Variants in MAD2L2 observed in about 807,000 individuals in gnomAD.
MAD2L2 encodes the protein mitotic arrest deficient 2 like 2, also known as mitotic spindle assembly checkpoint protein MAD2B.
A neutral mutation model predicts 30.5 loss-of-function variants in MAD2L2; 17 were observed. The observed-to-expected ratio is 0.56, with a 90% CI of 0.38 to 0.84. The LOEUF is 0.84. MAD2L2 is among the 40% of genes least tolerant of loss of function. The pLI is 0.00. For synonymous variants in MAD2L2, 101 were observed against 113.9 expected (o/e 0.89, Z 0.72); for missense variants, 213 against 277.4 (o/e 0.77, Z 1.65).
rs1008256560 is a variant in MAD2L2, at chr1:11,676,108, AGCT to A, written c.362_364del (p.Gln121del). The stretch of plus-strand genomic sequence containing the variant: ...GATCTTCAGGATGAAGGCCCGGAGC[AGCT>A]GCTCCACATGAGACAACAGCGAGTC... On this transcript the variant is annotated inframe_deletion, in exon 6 of 9. Transcript: ENST00000376692. 6.2e-7 allele frequency: 1 copy of A among 1,610,700 alleles called. No homozygotes were observed. Among genetic ancestry groups the A allele is most frequent in the African/African-American group, 1.3e-5 (1 of 74,990 alleles).
Position 11,674,547 on chromosome 1 carries a change from G to T in MAD2L2, c.*228C>A. The T allele has an allele frequency of 1.8e-6, 1 of 551,280 alleles. No individual in the cohort carries two copies. The highest frequency in any genetic ancestry group is 3.3e-6 in the Non-Finnish European group (1 of 305,828). 34.1% of individuals were successfully genotyped at this position (551,280 alleles called of 1,614,324 possible). On this transcript the variant is annotated 3_prime_UTR_variant, in exon 9 of 9. Coordinates refer to ENST00000376692, the MANE Select transcript of MAD2L2 (RefSeq NM_006341.4). The surrounding 1 kb of genome is among the most constrained non-coding windows in gnomAD (Gnocchi z 6.1). ...CACAGTATTTGAGACAGACAGTGTT[G>T]GCCGGCGGAACCCCAGGAGGCTGAG... is the stretch of plus-strand genomic sequence containing the variant.
chr1:11,685,605 T>C (rs954765257), upstream of MAD2L2, among the ~76,000 whole-genome samples: 1 of 152,144 alleles, frequency 6.6e-6, no homozygotes, highest in African/African-American at 2.4e-5. Context: ...TAGTTCTAAT[T>C]TCATAGGATT....
chr1:11,677,090 G>A lies in MAD2L2; in HGVS notation c.232-142C>T, dbSNP rs892740743. ...GCTGCTAGGCTGGGGGTCCCCAAGA[G>A]GCCAGATAGCGAGTTTGAGAAGCCG... is the stretch of plus-strand genomic sequence containing the variant. On this transcript the variant is annotated intron_variant, in intron 4 of 8. Coordinates refer to ENST00000376692, the MANE Select transcript of MAD2L2 (RefSeq NM_006341.4). 4 of 700,200 alleles carry A rather than the reference G, an allele frequency of 5.7e-6. No homozygotes were observed. The African/African-American group carries it at 7.2e-5, about 13-fold the overall frequency. The allele number at this position is 700,200 out of a possible 1,614,324, so 43.4% of individuals were successfully genotyped here.
At chr1:11,689,248 C>T (rs6693852) in intron 1 of MAD2L2, among the ~76,000 whole-genome samples, 31,940 of 138,200 alleles carry the variant, frequency 0.23, 6,593 homozygotes, top group African/African-American at 0.57. Context: ...TGAGCCGAGA[C>T]TGTGCCACTA....
upstream of MAD2L2, chr1:11,681,789 A>C (rs1640885979): frequency 6.6e-6 from 1 of 152,170 alleles, no homozygotes; most frequent in South Asian, 2.1e-4. Flanking sequence ...GTGTCCGTGG[A>C]TTATCTCAGT....
At chr1:11,680,524 C>G in intron 2 of MAD2L2, 38 bp downstream of exon 2, 1 of 1,609,630 alleles carries the variant, frequency 6.2e-7, no homozygotes, top group Admixed American at 1.7e-5. Context: ...CCGGCCCAGA[C>G]GCCCCCGCCC....
intron 3 of MAD2L2, among the ~76,000 whole-genome samples, chr1:11,678,605 CTG>C (rs1557679314): frequency 6.6e-6 from 1 of 152,198 alleles, no homozygotes; most frequent in African/African-American, 2.4e-5. Context: ...AACTAAGGAA[CTG>C]TGTGGCCTCA....
chr1:11,680,386 G>T lies in MAD2L2; in HGVS notation c.126C>A (p.Phe42Leu). The change falls in exon 3 of 9, where the codon TTC (phenylalanine) becomes TTA (leucine). Residue 42 changes from phenylalanine to leucine, a missense_variant. Physicochemically the swap from Phe to Leu is conservative, Grantham distance 22. Coordinates refer to ENST00000376692, the MANE Select transcript of MAD2L2 (RefSeq NM_006341.4). The part of the protein sequence containing the change: ...YVREVYPVGI[F>L]QKRKKYNVPV... ...GCACGTTGTACTTCTTGCGTTTCTG[G>T]AAGATGCCCACGGGGTAGACCTCGC... 1 of 1,613,968 alleles carries T rather than the reference G, an allele frequency of 6.2e-7. No homozygotes were observed. Among genetic ancestry groups the T allele is most frequent in the Non-Finnish European group, 8.5e-7 (1 of 1,179,962 alleles).
intron 3 of MAD2L2, among the ~76,000 whole-genome samples, chr1:11,679,827 AC>A (rs1183122096): frequency 6.6e-6 from 1 of 150,386 alleles, no homozygotes; most frequent in Non-Finnish European, 1.5e-5. Flanking sequence ...ATGCCCGGCC[AC>A]CCCCGGGGTA....
At chr1:11,675,224 GC>G (rs761534625) in intron 7 of MAD2L2, 50 bp from the exon 8 acceptor site, 8 of 1,332,486 alleles carry the variant, frequency 6.0e-6, no homozygotes, top group Admixed American at 2.3e-5. Flanking sequence ...GCCCTGGCCT[GC>G]CCTCACTTTG....
intron 6 of MAD2L2, 117 bp downstream of exon 6, chr1:11,675,929 C>T: frequency 1.0e-6 from 1 of 953,034 alleles, no homozygotes; most frequent in South Asian, 1.3e-5. Flanking sequence ...AGGAGGTGGA[C>T]TCTCAGGGTT....
upstream of MAD2L2, among the ~76,000 whole-genome samples, chr1:11,683,376 G>A (rs1640907590): frequency 6.6e-6 from 1 of 152,194 alleles, no homozygotes; most frequent in Non-Finnish European, 1.5e-5. Context: ...CTTGACACTG[G>A]AGTACCCACC....
Position 11,674,859 on chromosome 1 carries a change from G to A in MAD2L2, c.595-43C>T, listed in dbSNP as rs778609146. 14 of 1,609,468 alleles carry A rather than the reference G, an allele frequency of 8.7e-6. No individual in the cohort carries two copies. The South Asian group carries it at 1.3e-4, about 15-fold the overall frequency. On this transcript the variant is annotated intron_variant, in intron 8 of 8. Coordinates refer to ENST00000376692, the MANE Select transcript of MAD2L2 (RefSeq NM_006341.4). This position sits in a 1 kb window ranked among gnomAD's most constrained non-coding sequence, Gnocchi z 6.1. ...ACAGCCACAGTCAGCAAGACAGCCA[G>A]GGCATCCCTGCTGGAGGACACAGAA... is the stretch of plus-strand genomic sequence containing the variant.
chr1:11,675,312 C>T (rs1283254847), intron 7 of MAD2L2, 138 bp from the exon 8 acceptor site: 2 of 628,532 alleles, frequency 3.2e-6, no homozygotes, highest in African/African-American at 3.7e-5. Context: ...GATGCAGACC[C>T]CAGGACCGCC....
intron 3 of MAD2L2, among the ~76,000 whole-genome samples, chr1:11,679,165 AAAAAT>A (rs1189461469): frequency 6.6e-6 from 1 of 152,250 alleles, no homozygotes; most frequent in Admixed American, 6.5e-5. Context: ...CTCAGTCTCA[AAAAAT>A]AAAATAAAAT....
Position 11,680,399 on chromosome 1 carries a change from G to A in MAD2L2, c.113C>T (p.Pro38Leu), listed in dbSNP as rs1214665450. 4.3e-6 allele frequency: 7 copies of A among 1,613,922 alleles called. No homozygotes were observed. Among genetic ancestry groups the A allele is most frequent in the African/African-American group, 1.3e-5 (1 of 74,912 alleles). Residue 38 changes from proline to leucine, a missense_variant, in exon 3 of 9, where the codon CCC becomes CTC. Transcript: ENST00000376692. ...HLILYVREVY[P>L]VGIFQKRKKY... ...CTTGCGTTTCTGGAAGATGCCCACG[G>A]GGTAGACCTCGCGCACGTAGAGGAT... is the stretch of plus-strand genomic sequence containing the variant.
intron 1 of MAD2L2, among the ~76,000 whole-genome samples, chr1:11,686,267 G>T (rs950322412): frequency 6.6e-6 from 1 of 152,196 alleles, no homozygotes; most frequent in African/African-American, 2.4e-5. Flanking sequence ...GCCTTCTGGT[G>T]TGAGGCCTGA....
intron 3 of MAD2L2, among the ~76,000 whole-genome samples, chr1:11,678,681 C>T (rs1640813041): frequency 6.6e-6 from 1 of 152,180 alleles, no homozygotes; most frequent in Admixed American, 6.5e-5. Context: ...GAGTAAATGT[C>T]AATTGTTTTT....
Position 11,690,492 on chromosome 1 carries a change from C to G in MAD2L2, c.-692+921G>C, listed in dbSNP as rs1641040590. 6.6e-6 allele frequency among the ~76,000 whole-genome samples: 1 copy of G among 152,176 alleles called. No homozygotes were observed. Among genetic ancestry groups the G allele is most frequent in the Non-Finnish European group, 1.5e-5 (1 of 68,038 alleles). On this transcript the variant is annotated intron_variant, in intron 1 of 10. Transcript: ENST00000235310. This position sits in a 1 kb window ranked among gnomAD's most constrained non-coding sequence, Gnocchi z 4.2. Reference sequence around the variant, plus strand: ...TGAAATTTAGGTATAATCATGAGCTCAGAGGTCAGGCGACTTGCTCGAGGT... The same window carrying G: ...TGAAATTTAGGTATAATCATGAGCTGAGAGGTCAGGCGACTTGCTCGAGGT...
Sources: allele counts gnomAD v4.1 joint callset (sites outside exome capture counted in the v4.1 genomes callset), GRCh38; gene constraint gnomAD v4.1.1; non-coding constraint Gnocchi (gnomAD v3.1); transcripts MANE v1.5; gene names NCBI Gene and HGNC (gene_info 2026-07-23, HGNC 2026-07-21).